The following RAB6A variants were observed in gnomAD, a reference collection of about 807,000 sequenced individuals.
RAB6A encodes ras-related protein Rab-6A.
In RAB6A, 8 loss-of-function variants were observed where a neutral mutation model predicts 32.3. The observed-to-expected ratio is 0.25, with a 90% CI of 0.15 to 0.45. The LOEUF is 0.45. Ranked by LOEUF, RAB6A falls within the 20% of genes least tolerant of loss-of-function variation. The pLI, the probability that RAB6A is intolerant of heterozygous loss-of-function variation, is 1.00. For synonymous variants in RAB6A, 73 were observed against 82.1 expected (o/e 0.89, Z 0.60); for missense variants, 104 against 249.4 (o/e 0.42, Z 3.93).
chr11:73,692,494 C>G (rs1945584563), intron 6 of RAB6A, among the ~76,000 whole-genome samples: 1 of 101,790 alleles, frequency 9.8e-6, no homozygotes, highest in South Asian at 3.8e-4. Flanking sequence ...CAGAGTGAGA[C>G]TCTGTCTCAA....
chr11:73,692,716 G>A (rs535015354), intron 6 of RAB6A, among the ~76,000 whole-genome samples: 93 of 148,666 alleles, frequency 6.3e-4, no homozygotes, highest in Admixed American at 1.7e-3. Flanking sequence ...TTTGGGAGGC[G>A]GGCGGATCAC....
At chr11:73,733,155 A>C (rs919164022) in intron 1 of RAB6A, among the ~76,000 whole-genome samples, 2 of 152,150 alleles carry the variant, frequency 1.3e-5, no homozygotes, top group Non-Finnish European at 2.9e-5. Flanking sequence ...CTTGGTTGGC[A>C]GAAGCTGCTT....
At chr11:73,746,460 A>G (rs1590888403) in intron 1 of RAB6A, among the ~76,000 whole-genome samples, 1 of 152,034 alleles carries the variant, frequency 6.6e-6, no homozygotes, top group East Asian at 1.9e-4. Flanking sequence ...GTGTGCTATG[A>G]TTGTGCCACT....
chr11:73,683,751 C>T (rs1446543601), intron 6 of RAB6A, among the ~76,000 whole-genome samples: 3 of 152,046 alleles, frequency 2.0e-5, no homozygotes, highest in African/African-American at 4.8e-5. Context: ...TGGGGTTTCA[C>T]CATGTTGGCC....
chr11:73,718,421 T>C (rs1946084176), intron 4 of RAB6A, among the ~76,000 whole-genome samples, 192 bp downstream of exon 4: 2 of 152,192 alleles, frequency 1.3e-5, no homozygotes, highest in South Asian at 4.1e-4. Context: ...GCAAAAAACC[T>C]GGCACAGTTA....
chr11:73,741,530 G>C (rs1333623799), intron 1 of RAB6A, among the ~76,000 whole-genome samples: 3 of 141,592 alleles, frequency 2.1e-5, no homozygotes, highest in East Asian at 4.0e-4. Flanking sequence ...ATCTGCACAA[G>C]AAAAAAAAAA....
chr11:73,691,261 G>A (rs1311291202), intron 6 of RAB6A, among the ~76,000 whole-genome samples: 1 of 152,242 alleles, frequency 6.6e-6, no homozygotes, highest in Non-Finnish European at 1.5e-5. Context: ...TTCAGTGAGA[G>A]AATGTGGGGG....
rs117140720 is a variant in RAB6A, at chr11:73,752,396, G to A, written c.70+8170C>T. ...GTTTGAACCCGGGAGGTAGAGGTTG[G>A]AGTAAGCCAAGATTGCACCATTGCA... On this transcript the variant is annotated intron_variant, in intron 1 of 7. Transcript: ENST00000336083. Among the ~76,000 whole-genome samples, 25 of 152,244 alleles carry A rather than the reference G, an allele frequency of 1.6e-4. No homozygotes were observed. The East Asian group carries it at 2.3e-3, about 14-fold the overall frequency.
intron 1 of RAB6A, among the ~76,000 whole-genome samples, chr11:73,744,828 A>T (rs921763658): frequency 2.0e-5 from 3 of 151,888 alleles, no homozygotes; most frequent in African/African-American, 7.3e-5. Flanking sequence ...TACAAAAATT[A>T]GCTGGGCATG....
At chr11:73,709,601 C>T (rs1357794002) in intron 5 of RAB6A, among the ~76,000 whole-genome samples, 1 of 149,948 alleles carries the variant, frequency 6.7e-6, no homozygotes, top group Non-Finnish European at 1.5e-5. Flanking sequence ...TCTTTAATAA[C>T]TTCTTTGATT....
chr11:73,708,231 C>T (rs1237142115), intron 5 of RAB6A, among the ~76,000 whole-genome samples: 2 of 152,170 alleles, frequency 1.3e-5, no homozygotes, highest in Middle Eastern at 3.4e-3. Flanking sequence ...TGCAATGGCG[C>T]GATCTCAGCT....
intron 1 of RAB6A, among the ~76,000 whole-genome samples, chr11:73,757,247 G>A (rs1157362123): frequency 1.5e-5 from 2 of 137,398 alleles, no homozygotes; most frequent in Non-Finnish European, 3.1e-5. Flanking sequence ...AGGTTCAAGC[G>A]ATTCTCCTGC....
At chr11:73,746,770 T>TAA (rs56703610) in intron 1 of RAB6A, among the ~76,000 whole-genome samples, 6 of 135,280 alleles carry the variant, frequency 4.4e-5, no homozygotes, top group Admixed American at 1.5e-4. Flanking sequence ...CGAAATAAAT[T>TAA]AAAAAAAAAA....
chr11:73,683,074 T>C (rs1358990216), intron 6 of RAB6A, among the ~76,000 whole-genome samples: 1 of 151,748 alleles, frequency 6.6e-6, no homozygotes, highest in Non-Finnish European at 1.5e-5. Context: ...CAATATCAGC[T>C]GAAAACTTGA....
intron 6 of RAB6A, among the ~76,000 whole-genome samples, chr11:73,686,783 C>T (rs1435962304): frequency 6.6e-6 from 1 of 152,086 alleles, no homozygotes; most frequent in East Asian, 1.9e-4. Flanking sequence ...GCTATATTCA[C>T]ATATCTACCT....
At chr11:73,713,659 TATCA>T (rs1458703441) in intron 5 of RAB6A, among the ~76,000 whole-genome samples, 2 of 152,212 alleles carry the variant, frequency 1.3e-5, no homozygotes, top group African/African-American at 2.4e-5. Flanking sequence ...TATTCAAACT[TATCA>T]ATCATTCCCT....
At chr11:73,703,180 C>T (rs573992819) in intron 6 of RAB6A, among the ~76,000 whole-genome samples, 7 of 151,806 alleles carry the variant, frequency 4.6e-5, no homozygotes, top group East Asian at 3.9e-4. Context: ...TGCAAAGAAA[C>T]GGAAGATGAA....
rs554852656 is a variant in RAB6A at position 73,760,381 on chromosome 11, A to G, written c.70+185T>C. 3.7e-3 allele frequency among the ~76,000 whole-genome samples: 559 copies of G among 152,050 alleles called. 1 individual carries two copies. Among genetic ancestry groups the G allele is most frequent in the Middle Eastern group, 6.8e-3 (2 of 294 alleles). ...AGTCGAGGATTGAAGAACCCGGGGA[A>G]CAGGGTAAAAACTCGGCCACTGGCG... On this transcript the variant is annotated intron_variant, in intron 1 of 7. Transcript: ENST00000336083.
chr11:73,718,988 G>A, intron 3 of RAB6A: 1 of 1,145,464 alleles, frequency 8.7e-7, no homozygotes, highest in South Asian at 1.5e-5. Context: ...AGGGTGGGAA[G>A]GAAGTAGAAA....
Sources: gnomAD v4.1 joint callset for allele counts (sites outside exome capture counted in the v4.1 genomes callset) on GRCh38, gnomAD v4.1.1 for gene constraint, MANE v1.5 for transcripts, NCBI Gene and HGNC (gene_info 2026-07-23, HGNC 2026-07-21) for gene names.